The following MLIP variants were observed in gnomAD, a reference collection of about 807,000 sequenced individuals.
MLIP encodes the protein muscular LMNA-interacting protein.
A neutral mutation model predicts 84.8 loss-of-function variants in MLIP; 79 were observed. The ratio of observed to expected loss-of-function variants is 0.93; its 90% CI spans 0.78 to 1.12. MLIP has a LOEUF of 1.12. Ranked by LOEUF, MLIP falls within the 50% of genes most tolerant of loss-of-function variation. The probability of loss-of-function intolerance (pLI) is 0.00; values close to 1 mark genes in which losing one functional copy is unlikely to be tolerated. For missense variants in MLIP, 1,257 were observed against 1,160.6 expected (o/e 1.08, Z -1.21); for synonymous variants, 504 against 463.0 (o/e 1.09, Z -1.14).
chr6:54,131,008 T>C (rs377096351), intron 3 of MLIP, among the ~76,000 whole-genome samples: 1 of 152,200 alleles, frequency 6.6e-6, no homozygotes, highest in Admixed American at 6.5e-5. Flanking sequence ...CAAGTGCCTG[T>C]TGGGTTTAGG....
At chr6:54,128,428 C>A (rs1211449349) in intron 3 of MLIP, among the ~76,000 whole-genome samples, 1 of 152,030 alleles carries the variant, frequency 6.6e-6, no homozygotes, top group Non-Finnish European at 1.5e-5. Flanking sequence ...ACCTAGGTGT[C>A]TTTTTCTATC....
intron 11 of MLIP, among the ~76,000 whole-genome samples, chr6:54,223,498 T>A (rs1194561887): frequency 6.6e-6 from 1 of 152,248 alleles, no homozygotes; most frequent in African/African-American, 2.4e-5. Context: ...ACACCATTTA[T>A]TGAGGAGACT....
chr6:54,261,721 G>A (rs1783405692), intron 13 of MLIP: 1 of 985,012 alleles, frequency 1.0e-6, no homozygotes, highest in Non-Finnish European at 1.2e-6. Context: ...ACATAGAAAA[G>A]AGAAAATAAA....
chr6:54,019,584 A>T (rs1288150165), intron 1 of MLIP, among the ~76,000 whole-genome samples: 1 of 152,220 alleles, frequency 6.6e-6, no homozygotes, highest in African/African-American at 2.4e-5. Flanking sequence ...CTTGATACTA[A>T]GCAATTAAAT....
intron 13 of MLIP, among the ~76,000 whole-genome samples, chr6:54,258,988 C>G (rs2150899294): frequency 6.7e-6 from 1 of 150,214 alleles, no homozygotes; most frequent in Admixed American, 6.6e-5. Context: ...ATATTTCTAT[C>G]TATATGATCT....
chr6:54,137,345 T>C lies in MLIP; in HGVS notation c.1276T>C (p.Ser426Pro), dbSNP rs1167804873. ...CACTGCCATTCTCAAGTCAAACCCT[T>C]CCCACCAAAGACCCTTTTCCCCTGC... ...LLTAILKSNP[S>P]HQRPFSPASC... Residue 426 changes from serine (S) to proline (P), a missense_variant, in exon 4 of 14, where the codon TCC becomes CCC. Physicochemically the swap from Ser to Pro is moderately conservative, Grantham distance 74. Transcript: ENST00000502396. 6.5e-7 allele frequency: 1 copy of C among 1,535,748 alleles called. No individual in the cohort carries two copies. Among genetic ancestry groups the C allele is most frequent in the Non-Finnish European group, 8.7e-7 (1 of 1,146,872 alleles).
At chr6:54,195,691 C>T (rs74698276) in intron 10 of MLIP, among the ~76,000 whole-genome samples, 2,822 of 152,132 alleles carry the variant, frequency 0.019, 47 homozygotes, top group Non-Finnish European at 0.028. Context: ...AGACGAGTGT[C>T]TTATAGCCCA....
At chr6:54,072,686 C>CTGT (rs1187541532) in intron 1 of MLIP, among the ~76,000 whole-genome samples, 16 of 152,206 alleles carry the variant, frequency 1.1e-4, no homozygotes, top group Admixed American at 5.9e-4. Context: ...CTGTGATTTA[C>CTGT]AATGAGTTGC....
intron 1 of MLIP, among the ~76,000 whole-genome samples, chr6:54,073,058 AC>A (rs371745669): frequency 4.6e-5 from 7 of 151,952 alleles, no homozygotes; most frequent in African/African-American, 1.7e-4. Context: ...GTCCTCACTC[AC>A]CCTTTTCTGT....
chr6:54,133,763 T>G (rs1771580518), intron 3 of MLIP, among the ~76,000 whole-genome samples: 1 of 152,192 alleles, frequency 6.6e-6, no homozygotes, highest in Non-Finnish European at 1.5e-5. Flanking sequence ...TCTACTTACC[T>G]AATGATAGGA....
At chr6:54,077,881 T>G (rs1044737394) in intron 1 of MLIP, among the ~76,000 whole-genome samples, 4 of 152,228 alleles carry the variant, frequency 2.6e-5, no homozygotes, top group Admixed American at 2.6e-4. Flanking sequence ...TTTAAACTAT[T>G]ATTGAGGATT....
intron 9 of MLIP, among the ~76,000 whole-genome samples, chr6:54,172,274 G>A (rs984558740): frequency 2.6e-5 from 4 of 151,508 alleles, no homozygotes; most frequent in African/African-American, 9.7e-5. Context: ...AATTTAAAAG[G>A]TATAGTATAT....
chr6:54,039,870 C>T (rs996824373), intron 1 of MLIP, among the ~76,000 whole-genome samples: 4 of 151,672 alleles, frequency 2.6e-5, no homozygotes, highest in Non-Finnish European at 4.4e-5. Flanking sequence ...AGATCAATAC[C>T]AAATAATAAC....
At chr6:54,078,667 A>G (rs1340961837) in intron 1 of MLIP, among the ~76,000 whole-genome samples, 1 of 149,938 alleles carries the variant, frequency 6.7e-6, no homozygotes, top group Non-Finnish European at 1.5e-5. Flanking sequence ...GATATACAAC[A>G]AATAATTTTC....
intron 1 of MLIP, among the ~76,000 whole-genome samples, chr6:54,112,112 T>C (rs926019575): frequency 6.6e-5 from 10 of 152,198 alleles, no homozygotes; most frequent in African/African-American, 2.4e-4. Flanking sequence ...AACTAAGATA[T>C]TTAAATAACA....
At chr6:54,253,502 A>T (rs1036641116) in intron 12 of MLIP, among the ~76,000 whole-genome samples, 1 of 152,202 alleles carries the variant, frequency 6.6e-6, no homozygotes, top group African/African-American at 2.4e-5. Flanking sequence ...ATCTCCACTC[A>T]AAAAGAGAGA....
chr6:54,175,207 C>T (rs375709508), intron 9 of MLIP, among the ~76,000 whole-genome samples: 5 of 151,598 alleles, frequency 3.3e-5, no homozygotes, highest in Admixed American at 1.3e-4. Flanking sequence ...TCCTTTTTCT[C>T]GGGATAGCTT....
At position 54,087,799 on chromosome 6, in the gene MLIP, C is replaced by T. The variant is rs1767599760; in HGVS notation, c.64-33648C>T. On this transcript the variant is annotated intron_variant, in intron 1 of 12. Coordinates refer to the MLIP transcript ENST00000274897. ...TTAAAAAACAAAATACTTTAAGATGCTTATGGGAAAGATACTCTTTTTTTT... is the reference window on the plus strand; with the variant it reads ...TTAAAAAACAAAATACTTTAAGATGTTTATGGGAAAGATACTCTTTTTTTT... Among the ~76,000 whole-genome samples, 3 of 145,202 alleles carry T rather than the reference C, an allele frequency of 2.1e-5. No homozygotes were observed. In the South Asian group the frequency reaches 6.9e-4, roughly 33 times the overall value.
At chr6:54,092,696 G>A (rs1453694021) in intron 1 of MLIP, among the ~76,000 whole-genome samples, 1 of 151,746 alleles carries the variant, frequency 6.6e-6, no homozygotes, top group Non-Finnish European at 1.5e-5. Flanking sequence ...TATTTAAATG[G>A]TTTTAATATT....
Sources: gnomAD v4.1 joint callset for allele counts (sites outside exome capture counted in the v4.1 genomes callset) on GRCh38, gnomAD v4.1.1 for gene constraint, MANE v1.5 for transcripts, NCBI Gene and HGNC (gene_info 2026-07-23, HGNC 2026-07-21) for gene names.